Variants in NELL1 observed in about 807,000 individuals in gnomAD.
The protein encoded by NELL1 is protein kinase C-binding protein NELL1.
In NELL1, 76 loss-of-function variants were observed where a neutral mutation model predicts 107.4. That is an observed-to-expected ratio of 0.71 (90% CI 0.59 to 0.86). The LOEUF (loss-of-function observed/expected upper bound fraction) is 0.86. NELL1 is among the 40% of genes least tolerant of loss of function. The pLI is 0.00. For missense variants in NELL1, 1,024 were observed against 1,005.5 expected (o/e 1.02, Z -0.25); for synonymous variants, 353 against 341.2 (o/e 1.03, Z -0.38).
chr11:20,693,922 C>G (rs1013727570), intron 2 of NELL1, among the ~76,000 whole-genome samples: 1 of 152,144 alleles, frequency 6.6e-6, no homozygotes, highest in African/African-American at 2.4e-5. Flanking sequence ...TTCAGGTACA[C>G]CAATCAGACG....
intron 12 of NELL1, among the ~76,000 whole-genome samples, chr11:21,025,255 A>T (rs1852789266): frequency 6.6e-6 from 1 of 152,086 alleles, no homozygotes; most frequent in Non-Finnish European, 1.5e-5. Context: ...CTTTTGGTAT[A>T]CCAAGCCTTA....
intron 5 of NELL1, among the ~76,000 whole-genome samples, chr11:20,897,794 G>A (rs1429350526): frequency 6.6e-6 from 1 of 152,204 alleles, no homozygotes; most frequent in African/African-American, 2.4e-5. Flanking sequence ...AGACATTTAT[G>A]CAGCCAAAAG....
chr11:20,863,985 G>A (rs1374893900), intron 4 of NELL1, among the ~76,000 whole-genome samples: 3 of 152,158 alleles, frequency 2.0e-5, no homozygotes, highest in Non-Finnish European at 2.9e-5. Context: ...GCGCGCGCCT[G>A]CAATCGCAGG....
chr11:21,147,367 C>G (rs995024124), intron 13 of NELL1, among the ~76,000 whole-genome samples: 1 of 151,936 alleles, frequency 6.6e-6, no homozygotes, highest in Non-Finnish European at 1.5e-5. Flanking sequence ...GAGAATTTTA[C>G]GAATAAATAC....
intron 12 of NELL1, among the ~76,000 whole-genome samples, chr11:21,026,720 T>G (rs981597082): frequency 6.6e-6 from 1 of 152,164 alleles, no homozygotes; most frequent in African/African-American, 2.4e-5. Context: ...TGTTGAGCAG[T>G]CTACATTCAT....
intron 14 of NELL1, among the ~76,000 whole-genome samples, chr11:21,257,960 A>G (rs948103224): frequency 1.3e-5 from 2 of 152,026 alleles, no homozygotes; most frequent in South Asian, 2.1e-4. Flanking sequence ...AGAAGAAAAC[A>G]AAAAGCAACG....
At chr11:21,126,263 A>G (rs189212130) in intron 13 of NELL1, among the ~76,000 whole-genome samples, 12 of 152,308 alleles carry the variant, frequency 7.9e-5, no homozygotes, top group African/African-American at 2.6e-4. Flanking sequence ...GAATGCAGAC[A>G]AGATCGGGTG....
At chr11:21,308,057 C>T (rs953570482) in intron 14 of NELL1, among the ~76,000 whole-genome samples, 2 of 151,970 alleles carry the variant, frequency 1.3e-5, no homozygotes, top group Non-Finnish European at 2.9e-5. Flanking sequence ...TCACATAGCT[C>T]TAGGTTGGAA....
chr11:21,360,532 A>AT (rs1253073903), intron 14 of NELL1, among the ~76,000 whole-genome samples: 1 of 151,826 alleles, frequency 6.6e-6, no homozygotes, highest in Non-Finnish European at 1.5e-5. Flanking sequence ...GTTTAAGTCT[A>AT]TTTTTTCTTT....
intron 12 of NELL1, among the ~76,000 whole-genome samples, chr11:21,061,236 C>G (rs950282524): frequency 6.6e-6 from 1 of 152,090 alleles, no homozygotes; most frequent in Non-Finnish European, 1.5e-5. Flanking sequence ...AGTAGGCAAA[C>G]ACATAAGTAA....
At chr11:20,916,544 A>C (rs1423829051) in intron 5 of NELL1, among the ~76,000 whole-genome samples, 2 of 151,874 alleles carry the variant, frequency 1.3e-5, no homozygotes, top group Non-Finnish European at 2.9e-5. Flanking sequence ...TGATAAAAAT[A>C]AAAATAATCT....
chr11:21,248,561 C>T (rs1858554724), intron 14 of NELL1, among the ~76,000 whole-genome samples: 1 of 151,982 alleles, frequency 6.6e-6, no homozygotes, highest in Admixed American at 6.6e-5. Flanking sequence ...GGAATGATAG[C>T]TGTAGAAACT....
At chr11:20,726,073 A>C (rs967553570) in intron 2 of NELL1, among the ~76,000 whole-genome samples, 2 of 152,038 alleles carry the variant, frequency 1.3e-5, no homozygotes, top group African/African-American at 2.4e-5. Context: ...AAAGGACATG[A>C]TTTCGGTCTT....
intron 3 of NELL1, among the ~76,000 whole-genome samples, chr11:20,833,815 A>G (rs1858064348): frequency 2.0e-5 from 3 of 152,192 alleles, no homozygotes; most frequent in Admixed American, 1.3e-4. Context: ...GAGCAAGTGC[A>G]TTGTAGTGGG....
intron 7 of NELL1, among the ~76,000 whole-genome samples, chr11:20,921,404 T>C (rs1850373442): frequency 6.6e-6 from 1 of 152,144 alleles, no homozygotes; most frequent in Non-Finnish European, 1.5e-5. Flanking sequence ...ATGAGATGAC[T>C]GAGGTCCAGG....
rs74753719 is a variant in NELL1, at chr11:20,737,520, T to C, written c.185-46160T>C. 6.6e-5 allele frequency among the ~76,000 whole-genome samples: 10 copies of C among 152,298 alleles called. No individual in the cohort carries two copies. In the East Asian group the frequency reaches 1.9e-3, roughly 29 times the overall value. ...CCCTGAGTCAGTTTTTTTAATGTGTTGTGCCTCAGTTTACATGTGTAAAAC... is the reference window on the plus strand; with the variant it reads ...CCCTGAGTCAGTTTTTTTAATGTGTCGTGCCTCAGTTTACATGTGTAAAAC... On this transcript the variant is annotated intron_variant, in intron 2 of 19. Coordinates refer to ENST00000357134, the MANE Select transcript of NELL1 (RefSeq NM_006157.5).
At chr11:21,268,539 A>G (rs1241882098) in intron 14 of NELL1, among the ~76,000 whole-genome samples, 1 of 152,148 alleles carries the variant, frequency 6.6e-6, no homozygotes, top group Non-Finnish European at 1.5e-5. Flanking sequence ...TCACAGCTCC[A>G]GCCCACTCTA....
chr11:21,009,219 G>A (rs982768049), intron 12 of NELL1, among the ~76,000 whole-genome samples: 15 of 152,166 alleles, frequency 9.9e-5, no homozygotes, highest in African/African-American at 2.9e-4. Flanking sequence ...CATTCTCCTC[G>A]GCATTGATCC....
chr11:20,696,902 G>C (rs974128482), intron 2 of NELL1, among the ~76,000 whole-genome samples: 42 of 152,112 alleles, frequency 2.8e-4, no homozygotes, highest in African/African-American at 8.9e-4. Context: ...GTGAGGTATG[G>C]AAATAGCTGA....
Sources: allele counts gnomAD v4.1 joint callset (sites outside exome capture counted in the v4.1 genomes callset), GRCh38; gene constraint gnomAD v4.1.1; transcripts MANE v1.5; gene names NCBI Gene and HGNC (gene_info 2026-07-23, HGNC 2026-07-21).